The following MGAT5 variants were observed in gnomAD, a reference collection of about 807,000 sequenced individuals.
The protein encoded by MGAT5 is alpha-1,6-mannosylglycoprotein 6-beta-N-acetylglucosaminyltransferase A.
MGAT5 carries 30 observed loss-of-function variants against 94.3 expected under a neutral mutation model. The ratio of observed to expected loss-of-function variants is 0.32; its 90% CI spans 0.24 to 0.43. The LOEUF is 0.43. MGAT5 is among the 20% of genes least tolerant of loss of function. The pLI is 1.00. For synonymous variants in MGAT5, 310 were observed against 322.9 expected, an observed-to-expected ratio of 0.96 and a Z score of 0.43; for missense variants, 691 against 905.5, an observed-to-expected ratio of 0.76 and a Z score of 3.04.
chr2:134,374,987 C>T (rs1368263468), intron 10 of MGAT5, among the ~76,000 whole-genome samples: 1 of 152,188 alleles, frequency 6.6e-6, no homozygotes, highest in Non-Finnish European at 1.5e-5. Flanking sequence ...TTGCTCTAGT[C>T]TCGAGGGACA....
intron 15 of MGAT5, among the ~76,000 whole-genome samples, chr2:134,444,980 C>T (rs1443614844): frequency 7.8e-6 from 1 of 128,324 alleles, no homozygotes; most frequent in Non-Finnish European, 1.6e-5. Flanking sequence ...AGGGTCCATT[C>T]CAGTGGGGCC....
chr2:134,153,712 G>A (rs955437106), intron 1 of MGAT5, among the ~76,000 whole-genome samples: 1 of 152,128 alleles, frequency 6.6e-6, no homozygotes, highest in South Asian at 2.1e-4. Flanking sequence ...AGGCCCTGCT[G>A]GGTGATTAAG....
intron 1 of MGAT5, among the ~76,000 whole-genome samples, chr2:134,205,635 A>C (rs183305066): frequency 2.0e-5 from 3 of 152,266 alleles, no homozygotes; most frequent in Admixed American, 1.3e-4. Flanking sequence ...TGGCACATGG[A>C]TGTTTGGATC....
At chr2:134,252,335 G>A (rs141839462), upstream of MGAT5, among the ~76,000 whole-genome samples, 248 of 152,340 alleles carry the variant, frequency 1.6e-3, 2 homozygotes, top group East Asian at 0.012. Context: ...CAGCAGGTAC[G>A]TAGTGGGAGA....
intron 12 of MGAT5, 68 bp downstream of exon 12, chr2:134,413,083 T>C: frequency 6.4e-7 from 1 of 1,562,642 alleles, no homozygotes; most frequent in Admixed American, 1.7e-5. Flanking sequence ...AGTGCTCATG[T>C]AGGTATTAAC....
At position 134,247,373 on chromosome 2, in the gene MGAT5, AAC is replaced by A. The variant is rs1354064660; in HGVS notation, c.-142-6887_-142-6886del. 2.5e-3 allele frequency among the ~76,000 whole-genome samples: 363 copies of A among 147,480 alleles called. 24 individuals carry two copies. The highest frequency in any genetic ancestry group is 7.7e-3 in the African/African-American group (299 of 38,950). On this transcript the variant is annotated intron_variant, in intron 1 of 16. Transcript: ENST00000409645. ...TGGGCCTGAATTAAAAAAAAAAAAA[AAC>A]AAAAAAAAAACGTAAACTAGACCAC...
intron 1 of MGAT5, among the ~76,000 whole-genome samples, chr2:134,261,747 T>C (rs1210521176): frequency 6.6e-6 from 1 of 152,242 alleles, no homozygotes; most frequent in African/African-American, 2.4e-5. Context: ...TGGTCTGTTT[T>C]GTTCCCCACT....
intron 2 of MGAT5, among the ~76,000 whole-genome samples, chr2:134,276,527 C>T (rs548126885): frequency 4.6e-5 from 7 of 152,206 alleles, no homozygotes; most frequent in African/African-American, 1.7e-4. Context: ...GACAGGTCCC[C>T]AAAGATCTAC....
intron 2 of MGAT5, among the ~76,000 whole-genome samples, chr2:134,304,413 A>C (rs182729149): frequency 3.9e-4 from 59 of 152,282 alleles, no homozygotes; most frequent in Non-Finnish European, 6.6e-4. Flanking sequence ...AGTGCCTTCT[A>C]AGAGCTAACT....
intron 14 of MGAT5, among the ~76,000 whole-genome samples, chr2:134,435,856 T>C (rs1685141436): frequency 6.6e-6 from 1 of 152,222 alleles, no homozygotes; most frequent in Admixed American, 6.5e-5. Flanking sequence ...TAGCCTGTGT[T>C]GCAGTTGAAT....
At chr2:134,410,116 A>G (rs1191737523) in intron 11 of MGAT5, among the ~76,000 whole-genome samples, 1 of 152,188 alleles carries the variant, frequency 6.6e-6, no homozygotes, top group South Asian at 2.1e-4. Flanking sequence ...CCTCCTTGCT[A>G]AGGAAATCGG....
At chr2:134,209,141 ATTTTTT>A (rs1488529353) in intron 1 of MGAT5, among the ~76,000 whole-genome samples, 1 of 16,084 alleles carries the variant, frequency 6.2e-5, no homozygotes, top group Admixed American at 8.4e-4. Context: ...GAACTGGCTT[ATTTTTT>A]TTTTATTTTT....
At chr2:134,351,391 C>T (rs936680864) in intron 9 of MGAT5, among the ~76,000 whole-genome samples, 4 of 152,228 alleles carry the variant, frequency 2.6e-5, no homozygotes, top group African/African-American at 9.6e-5. Flanking sequence ...AAAACATTAA[C>T]TGTGTTCAAA....
chr2:134,202,882 A>G (rs1207136391), intron 1 of MGAT5, among the ~76,000 whole-genome samples: 3 of 151,572 alleles, frequency 2.0e-5, no homozygotes, highest in Admixed American at 6.6e-5. Context: ...ATGTAAAAGG[A>G]AAAAAAAAGG....
chr2:134,442,905 G>A (rs370378468), intron 15 of MGAT5, among the ~76,000 whole-genome samples: 6 of 151,370 alleles, frequency 4.0e-5, no homozygotes, highest in Non-Finnish European at 7.4e-5. Flanking sequence ...CCAGATATTC[G>A]ATCTAGCAGG....
chr2:134,220,090 T>A (rs1034919328), intron 1 of MGAT5, among the ~76,000 whole-genome samples: 3 of 152,224 alleles, frequency 2.0e-5, no homozygotes, highest in East Asian at 1.9e-4. Flanking sequence ...TACGTACCCC[T>A]GTTCTTGGAA....
At chr2:134,146,787 C>T (rs1028965060) in intron 1 of MGAT5, among the ~76,000 whole-genome samples, 3 of 152,124 alleles carry the variant, frequency 2.0e-5, no homozygotes, top group Non-Finnish European at 4.4e-5. Flanking sequence ...ACCGCTCTTC[C>T]GCAGCCATGT....
At chr2:134,390,768 A>T (rs1179010470) in intron 10 of MGAT5, among the ~76,000 whole-genome samples, 1 of 152,088 alleles carries the variant, frequency 6.6e-6, no homozygotes, top group Admixed American at 6.5e-5. Flanking sequence ...AGTGAAATAT[A>T]ATGGTCACTG....
chr2:134,444,031 C>A (rs1685637840), intron 15 of MGAT5, among the ~76,000 whole-genome samples: 1 of 152,210 alleles, frequency 6.6e-6, no homozygotes, highest in Non-Finnish European at 1.5e-5. Context: ...CACCTCCAGG[C>A]CAGGGTCCAG....
Sources: allele counts gnomAD v4.1 joint callset (sites outside exome capture counted in the v4.1 genomes callset), GRCh38; gene constraint gnomAD v4.1.1; transcripts MANE v1.5; gene names NCBI Gene and HGNC (gene_info 2026-07-23, HGNC 2026-07-21).